The following TMEM52B variants were observed in gnomAD, a reference collection of about 807,000 sequenced individuals.
TMEM52B encodes the protein transmembrane protein 52B.
In TMEM52B, 11 loss-of-function variants were observed where a neutral mutation model predicts 16.1. The ratio of observed to expected loss-of-function variants is 0.68; its 90% confidence interval spans 0.43 to 1.13. The LOEUF is 1.13. TMEM52B is among the 50% of genes most tolerant of loss of function. The pLI, the probability that TMEM52B is intolerant of heterozygous loss-of-function variation, is 0.00. For synonymous variants in TMEM52B, 101 were observed against 93.8 expected (o/e 1.08, Z -0.45); for missense variants, 243 against 230.4 (o/e 1.05, Z -0.35).
chr12:10,171,722 A>T (rs1948719826), intron 1 of TMEM52B, among the ~76,000 whole-genome samples: 1 of 152,182 alleles, frequency 6.6e-6, no homozygotes, highest in African/African-American at 2.4e-5. Context: ...TAGTAATAGT[A>T]CCAATCTCAA....
chr12:10,176,455 G>C (rs1263808973), upstream of TMEM52B, among the ~76,000 whole-genome samples: 2 of 152,212 alleles, frequency 1.3e-5, no homozygotes, highest in African/African-American at 4.8e-5. Flanking sequence ...ATGCGAGCGG[G>C]GAGTCATGTT....
exon 1 of TMEM52B, chr12:10,170,780 C>T (rs1948708699): frequency 6.6e-6 from 1 of 152,136 alleles, no homozygotes; most frequent in Non-Finnish European, 1.5e-5. Context: ...CGCGCCTGGC[C>T]TCATCACTCT....
At chr12:10,182,461 C>G (rs1261092097) in intron 1 of TMEM52B, 89 bp from the exon 2 acceptor site, 1 of 1,490,232 alleles carries the variant, frequency 6.7e-7, no homozygotes, top group Admixed American at 2.1e-5. Flanking sequence ...CTTGATCTAA[C>G]ACAGCACAAC....
chr12:10,172,002 C>A (rs1364146823), intron 1 of TMEM52B: 2 of 1,611,558 alleles, frequency 1.2e-6, no homozygotes, highest in East Asian at 2.2e-5. Context: ...TCCCTAGTAC[C>A]TTTAGCTTTT....
chr12:10,185,906 T>C (rs1439438366), intron 3 of TMEM52B, among the ~76,000 whole-genome samples: 1 of 152,176 alleles, frequency 6.6e-6, no homozygotes, highest in Non-Finnish European at 1.5e-5. Context: ...CTGGGCGTGG[T>C]GGCACATGCC....
intron 2 of TMEM52B, 48 bp downstream of exon 2, chr12:10,182,641 T>G: frequency 6.6e-7 from 1 of 1,516,022 alleles, no homozygotes; most frequent in African/African-American, 1.4e-5. Flanking sequence ...GACCAAAACA[T>G]CACTACCCCA....
intron 1 of TMEM52B, among the ~76,000 whole-genome samples, chr12:10,173,429 C>T (rs1322199636): frequency 6.6e-6 from 1 of 152,010 alleles, no homozygotes; most frequent in East Asian, 1.9e-4. Flanking sequence ...ATTCCATTTC[C>T]CTCCTCCTCC....
intron 4 of TMEM52B, among the ~76,000 whole-genome samples, chr12:10,188,955 T>G (rs1429876330): frequency 2.9e-5 from 4 of 135,902 alleles, no homozygotes; most frequent in South Asian, 2.4e-4. Flanking sequence ...AGGCGGAGCT[T>G]GCAGTGAGCC....
At position 10,173,555 on chromosome 12, in the gene TMEM52B, G is replaced by C. The variant is rs376318374; in HGVS notation, c.-95+2704G>C. On this transcript the variant is annotated intron_variant, in intron 1 of 5. Coordinates refer to the TMEM52B transcript ENST00000381923. ...AGCACTTTGGGAAGCTGAGGGGGGG[G>C]GTGGATCACTGAGGTCAGGAGTTCG... Among the ~76,000 whole-genome samples the C allele has an allele frequency of 4.8e-3, 722 of 151,826 alleles. 7 individuals are homozygous for C. Among genetic ancestry groups the C allele is most frequent in the African/African-American group, 0.015 (641 of 41,398 alleles).
upstream of TMEM52B, among the ~76,000 whole-genome samples, chr12:10,177,815 T>TAATAATAATAA (rs10631520): frequency 4.3e-4 from 27 of 62,954 alleles, no homozygotes; most frequent in East Asian, 9.9e-4. Context: ...ATAATAATAA[T>TAATAATAATAA]TTTTTTATTA....
chr12:10,179,887 A>C (rs2137543746), intron 1 of TMEM52B, among the ~76,000 whole-genome samples: 2 of 152,350 alleles, frequency 1.3e-5, no homozygotes, highest in African/African-American at 2.4e-5. Flanking sequence ...GTGGCACTTT[A>C]GAAGTGCCGC....
Position 10,189,969 on chromosome 12 carries a change from G to C in TMEM52B, c.381G>C (p.Gln127His). The C allele has an allele frequency of 6.2e-7, 1 of 1,614,202 alleles. No individual in the cohort carries two copies. Among genetic ancestry groups the C allele is most frequent in the Non-Finnish European group, 8.5e-7 (1 of 1,180,042 alleles). Residue 127 changes from glutamine to histidine, a missense_variant, in exon 5 of 5, where the codon CAG (glutamine) becomes CAC (histidine). Gln to His is a conservative substitution (Grantham distance 24). Coordinates refer to ENST00000543484, the MANE Select transcript of TMEM52B (RefSeq NM_001384896.1). Reference sequence around the variant, plus strand: ...CTCACTCCCACAGCTCCCTGGGCCAGCTGCCCTCCTCTTTGGACACCCTCC... The same window carrying C: ...CTCACTCCCACAGCTCCCTGGGCCACCTGCCCTCCTCTTTGGACACCCTCC... ...AVAHSHSSLG[Q>H]LPSSLDTLPG...
chr12:10,177,857 T>C (rs1411437220), upstream of TMEM52B, among the ~76,000 whole-genome samples: 4 of 151,116 alleles, frequency 2.6e-5, no homozygotes, highest in Admixed American at 2.0e-4. Context: ...GATCACCTAC[T>C]TAAGTATAAA....
intron 2 of TMEM52B, among the ~76,000 whole-genome samples, 175 bp downstream of exon 2, chr12:10,182,768 C>T (rs1293048167): frequency 6.6e-6 from 1 of 152,134 alleles, no homozygotes; most frequent in Admixed American, 6.5e-5. Context: ...TCATCTTAAG[C>T]ACTCAAAATA....
upstream of TMEM52B, among the ~76,000 whole-genome samples, chr12:10,175,000 T>C (rs1241201146): frequency 6.6e-6 from 1 of 152,214 alleles, no homozygotes; most frequent in East Asian, 1.9e-4. Flanking sequence ...ACGTTTGGGT[T>C]TATCCTGTTT....
intron 4 of TMEM52B, among the ~76,000 whole-genome samples, chr12:10,188,893 T>G (rs1485935163): frequency 6.6e-6 from 1 of 151,500 alleles, no homozygotes; most frequent in African/African-American, 2.4e-5. Flanking sequence ...GGCGGGCGCC[T>G]GTAGTCCCAG....
At chr12:10,172,626 G>A (rs34401616) in intron 1 of TMEM52B, among the ~76,000 whole-genome samples, 348 of 152,308 alleles carry the variant, frequency 2.3e-3, no homozygotes, top group African/African-American at 7.7e-3. Context: ...TTCCAGCGAT[G>A]GTGTGTCCTG....
chr12:10,185,022 C>A (rs1279194046), intron 2 of TMEM52B, among the ~76,000 whole-genome samples: 1 of 152,028 alleles, frequency 6.6e-6, no homozygotes, highest in South Asian at 2.1e-4. Context: ...CTTTCTTGGT[C>A]ATTTTTATCA....
chr12:10,188,610 T>C (rs1169888239), intron 4 of TMEM52B, among the ~76,000 whole-genome samples: 1 of 151,650 alleles, frequency 6.6e-6, no homozygotes, highest in Non-Finnish European at 1.5e-5. Context: ...CTCATGCTTG[T>C]AATCCCAGAA....
Sources: gnomAD v4.1 joint callset for allele counts (sites outside exome capture counted in the v4.1 genomes callset) on GRCh38, gnomAD v4.1.1 for gene constraint, MANE v1.5 for transcripts, NCBI Gene and HGNC (gene_info 2026-07-23, HGNC 2026-07-21) for gene names.